The following YY1 variants were observed in gnomAD, a reference collection of about 807,000 sequenced individuals.
YY1 encodes YY1 transcription factor.
In YY1, 2 loss-of-function variants were observed where a neutral mutation model predicts 35.6. The observed-to-expected ratio is 0.06, with a 90% CI of 0.02 to 0.18. The LOEUF (loss-of-function observed/expected upper bound fraction) is 0.18, where lower values mean the gene tolerates loss of function less well. Ranked by LOEUF, YY1 falls within the 10% of genes least tolerant of loss-of-function variation. The probability of loss-of-function intolerance (pLI) is 1.00; values close to 1 mark genes in which losing one functional copy is unlikely to be tolerated. For synonymous variants in YY1, 268 were observed against 238.9 expected, an observed-to-expected ratio of 1.12 and a Z score of -1.12; for missense variants, 322 against 573.4, an observed-to-expected ratio of 0.56 and a Z score of 4.48.
intron 1 of YY1, among the ~76,000 whole-genome samples, chr14:100,258,046 T>G (rs1176078981): frequency 6.6e-6 from 1 of 151,940 alleles, no homozygotes; most frequent in East Asian, 1.9e-4. Flanking sequence ...GTGGGAGGAT[T>G]GCTTGAACCT....
intron 1 of YY1, among the ~76,000 whole-genome samples, chr14:100,253,819 T>C (rs753223972): frequency 3.9e-5 from 6 of 152,050 alleles, no homozygotes; most frequent in Admixed American, 6.6e-5. Context: ...ATTTTTATTA[T>C]TATTATTTTT....
In YY1 at chr14:100,270,331, C is replaced by G. The variant is rs1347200845; in HGVS notation, c.843-4367C>G. Among the ~76,000 whole-genome samples the G allele has an allele frequency of 2.0e-5, 3 of 148,394 alleles. No individual in the cohort carries two copies. In the Admixed American group the frequency reaches 2.0e-4, roughly 10 times the overall value. ...TAACTCTAGCAAAATGTATGGGAGGCCGGGTGCCGTGGCTCATGCCTGTAA... is the reference window on the plus strand; with the variant it reads ...TAACTCTAGCAAAATGTATGGGAGGGCGGGTGCCGTGGCTCATGCCTGTAA... On this transcript the variant is annotated intron_variant, in intron 2 of 4. Coordinates refer to ENST00000262238, the MANE Select transcript of YY1 (RefSeq NM_003403.5).
intron 2 of YY1, among the ~76,000 whole-genome samples, chr14:100,272,994 T>C (rs1891267394): frequency 6.6e-6 from 1 of 150,846 alleles, no homozygotes; most frequent in Non-Finnish European, 1.5e-5. Context: ...GGTATTTCCT[T>C]CTTGCCGCCT....
intron 1 of YY1, among the ~76,000 whole-genome samples, chr14:100,257,089 C>G (rs1891016268): frequency 6.6e-6 from 1 of 152,100 alleles, no homozygotes; most frequent in Non-Finnish European, 1.5e-5. Context: ...TGATATGTCG[C>G]TAAGTTCTCT....
At chr14:100,273,388 A>G (rs980074096) in intron 2 of YY1, among the ~76,000 whole-genome samples, 4 of 152,228 alleles carry the variant, frequency 2.6e-5, no homozygotes, top group African/African-American at 9.7e-5. Flanking sequence ...TCTGGGCTCA[A>G]GTGATCTTAC....
Position 100,279,390 on chromosome 14 carries a change from C to G in YY1, c.*1790C>G, listed in dbSNP as rs1011449052. On this transcript the variant is annotated 3_prime_UTR_variant, in exon 5 of 5. Transcript: ENST00000262238. ...CCTGTACAGGAGGATTGGTGACCTACTAACAGTGACCCTGTGGCTCTGTGG... is the reference window on the plus strand; with the variant it reads ...CCTGTACAGGAGGATTGGTGACCTAGTAACAGTGACCCTGTGGCTCTGTGG... 1 of 152,372 alleles carries G rather than the reference C, an allele frequency of 6.6e-6. No individual in the cohort carries two copies. Among genetic ancestry groups the G allele is most frequent in the South Asian group, 2.1e-4 (1 of 4,830 alleles). The allele number at this position is 152,372 out of a possible 1,614,324, so 9.4% of individuals were successfully genotyped here. A position where few individuals can be genotyped will look rare whatever the true frequency, so the allele number is the denominator to read the frequency against.
In YY1 at chr14:100,239,223, C is replaced by T. The variant is rs993082941; in HGVS notation, c.-22C>T. The T allele has an allele frequency of 2.7e-6, 4 of 1,469,396 alleles. No individual in the cohort carries two copies. Among genetic ancestry groups the T allele is most frequent in the Non-Finnish European group, 3.6e-6 (4 of 1,115,180 alleles). The allele number at this position is 1,469,396 out of a possible 1,614,324, so 91.0% of individuals were successfully genotyped here. A position where few individuals can be genotyped will look rare whatever the true frequency, so the allele number is the denominator to read the frequency against. On this transcript the variant is annotated 5_prime_UTR_variant, in exon 1 of 5. Transcript: ENST00000262238. The stretch of plus-strand genomic sequence containing the variant: ...GCCGAGGAGCCGAGGCCGCCGCGGC[C>T]GTGGCGGCGGAGCCCTCAGCCATGG...
intron 1 of YY1, among the ~76,000 whole-genome samples, chr14:100,257,191 C>G (rs1388199831): frequency 3.3e-5 from 5 of 152,138 alleles, no homozygotes; most frequent in Admixed American, 3.3e-4. Context: ...TAGAATTGCT[C>G]AGATTTGGGT....
intron 1 of YY1, among the ~76,000 whole-genome samples, chr14:100,244,103 G>A (rs1480877418): frequency 7.0e-6 from 1 of 143,116 alleles, no homozygotes; most frequent in Non-Finnish European, 1.5e-5. Flanking sequence ...GCAAGACTCC[G>A]TCTCCAAAAA....
At chr14:100,240,123 G>A (rs974781576) in intron 1 of YY1, among the ~76,000 whole-genome samples, 200 bp downstream of exon 1, 2 of 146,416 alleles carry the variant, frequency 1.4e-5, no homozygotes, top group East Asian at 3.9e-4. Context: ...CCGCGGGGGG[G>A]AGGGGCCGGC....
rs555348242 is a variant in YY1, at chr14:100,246,285, A to G, written c.679+6362A>G. On this transcript the variant is annotated intron_variant, in intron 1 of 4. Coordinates refer to ENST00000262238, the MANE Select transcript of YY1 (RefSeq NM_003403.5). ...ATGAGGATAGCACAGGTGCGGGGCCAGTGTCCCCCCCATTCTGTCCCGTGC... is the reference window on the plus strand; with the variant it reads ...ATGAGGATAGCACAGGTGCGGGGCCGGTGTCCCCCCCATTCTGTCCCGTGC... Among the ~76,000 whole-genome samples, 5 of 152,316 alleles carry G rather than the reference A, an allele frequency of 3.3e-5. No individual in the cohort carries two copies. In the South Asian group the frequency reaches 8.3e-4, roughly 25 times the overall value.
intron 2 of YY1, among the ~76,000 whole-genome samples, chr14:100,268,075 C>T (rs528052309): frequency 2.0e-5 from 3 of 152,314 alleles, no homozygotes; most frequent in African/African-American, 4.8e-5. Context: ...CTAATTACGG[C>T]CCATAGAACT....
At chr14:100,263,380 G>A (rs1343164110) in intron 2 of YY1, among the ~76,000 whole-genome samples, 4 of 152,240 alleles carry the variant, frequency 2.6e-5, no homozygotes, top group African/African-American at 9.6e-5. Context: ...GACAGGAGGA[G>A]ATCAAGTATT....
At chr14:100,244,968 G>T (rs1043739784) in intron 1 of YY1, among the ~76,000 whole-genome samples, 6 of 147,438 alleles carry the variant, frequency 4.1e-5, no homozygotes, top group East Asian at 2.0e-4. Context: ...ACAGAATCTC[G>T]CTCTGTCACC....
At chr14:100,263,268 G>A (rs1891109630) in intron 2 of YY1, among the ~76,000 whole-genome samples, 1 of 152,196 alleles carries the variant, frequency 6.6e-6, no homozygotes, top group Admixed American at 6.5e-5. Flanking sequence ...GGAGACCTGG[G>A]TCTGTACTTG....
At chr14:100,248,672 T>A (rs1056624700) in intron 1 of YY1, among the ~76,000 whole-genome samples, 1 of 145,452 alleles carries the variant, frequency 6.9e-6, no homozygotes, top group Non-Finnish European at 1.5e-5. Context: ...CCAGCTTGAG[T>A]AAAATTCTTT....
In YY1 at chr14:100,280,995, G is replaced by A. The variant is rs1408737087; in HGVS notation, c.*3395G>A. ...GAACGGCGTGAACCCGGGAGGCGGA[G>A]CTTGCAGTGAGCCGAGATCGCACCA... On this transcript the variant is annotated 3_prime_UTR_variant, in exon 5 of 5. Coordinates refer to ENST00000262238, the MANE Select transcript of YY1 (RefSeq NM_003403.5). 7.2e-6 allele frequency: 1 copy of A among 139,108 alleles called. No individual in the cohort carries two copies. Among genetic ancestry groups the A allele is most frequent in the Non-Finnish European group, 1.5e-5 (1 of 66,180 alleles). 8.6% of individuals were successfully genotyped at this position (139,108 alleles called of 1,614,324 possible).
intron 1 of YY1, among the ~76,000 whole-genome samples, chr14:100,254,940 ATTT>A (rs35165026): frequency 0.019 from 550 of 29,570 alleles, 8 homozygotes; most frequent in African/African-American, 0.076. Context: ...CGCCCAGCTA[ATTT>A]TTTTTTTTTT....
intron 1 of YY1, among the ~76,000 whole-genome samples, chr14:100,244,680 T>C (rs577200723): frequency 4.7e-5 from 7 of 150,152 alleles, no homozygotes; most frequent in Admixed American, 1.3e-4. Context: ...CCTCCCGGGC[T>C]GAAGCGATCC....
Sources: allele counts gnomAD v4.1 joint callset (sites outside exome capture counted in the v4.1 genomes callset), GRCh38; gene constraint gnomAD v4.1.1; transcripts MANE v1.5; gene names NCBI Gene and HGNC (gene_info 2026-07-23, HGNC 2026-07-21).